The following LRRC4C variants were observed in gnomAD, a reference collection of about 807,000 sequenced individuals.
The protein encoded by LRRC4C is leucine-rich repeat-containing protein 4C.
A neutral mutation model predicts 33.6 loss-of-function variants in LRRC4C; 5 were observed. The observed-to-expected ratio is 0.15, with a 90% CI of 0.08 to 0.31. LRRC4C has a LOEUF of 0.31. Among genes scored for constraint, LRRC4C ranks in the 10% least tolerant of loss-of-function variants. The pLI, the probability that LRRC4C is intolerant of heterozygous loss-of-function variation, is 1.00. For synonymous variants in LRRC4C, 329 were observed against 302.0 expected, an observed-to-expected ratio of 1.09 and a Z score of -0.93; for missense variants, 560 against 796.7, an observed-to-expected ratio of 0.70 and a Z score of 3.58.
chr11:40,969,878 A>G (rs1254592818), intron 1 of LRRC4C, among the ~76,000 whole-genome samples: 1 of 152,158 alleles, frequency 6.6e-6, no homozygotes, highest in East Asian at 1.9e-4. Flanking sequence ...AACAGACATT[A>G]TCCCCTTCAG....
chr11:41,447,314 C>T (rs1001836857), intron 1 of LRRC4C, among the ~76,000 whole-genome samples: 3 of 152,142 alleles, frequency 2.0e-5, no homozygotes, highest in Admixed American at 6.5e-5. Context: ...ATCCTCATCA[C>T]GGGCATAGAA....
At chr11:41,067,078 C>A (rs11036211) in intron 1 of LRRC4C, among the ~76,000 whole-genome samples, 45,089 of 151,918 alleles carry the variant, frequency 0.3, 7,085 homozygotes, top group African/African-American at 0.38. Context: ...ATTAACAGTA[C>A]ATGTAAATGG....
intron 3 of LRRC4C, among the ~76,000 whole-genome samples, chr11:40,522,147 C>T (rs2135236844): frequency 6.6e-6 from 1 of 152,286 alleles, no homozygotes; most frequent in South Asian, 2.1e-4. Context: ...CTCAGCCTCC[C>T]AAGTAGCTTG....
intron 1 of LRRC4C, among the ~76,000 whole-genome samples, chr11:41,286,308 G>C (rs981413877): frequency 1.1e-4 from 17 of 151,990 alleles, no homozygotes; most frequent in African/African-American, 4.1e-4. Context: ...CGTTATACAG[G>C]ATCATTTTTA....
intron 6 of LRRC4C, among the ~76,000 whole-genome samples, chr11:40,122,636 T>A (rs551536303): frequency 5.3e-5 from 8 of 152,080 alleles, no homozygotes; most frequent in Non-Finnish European, 1.2e-4. Flanking sequence ...TCATAATCAA[T>A]AAAGTCAGCT....
chr11:40,301,603 C>T (rs1261332105), intron 4 of LRRC4C, among the ~76,000 whole-genome samples: 1 of 152,046 alleles, frequency 6.6e-6, no homozygotes, highest in East Asian at 1.9e-4. Context: ...GTTTTCCCCA[C>T]CGCATTACTA....
intron 1 of LRRC4C, among the ~76,000 whole-genome samples, chr11:41,441,354 G>C (rs1030140865): frequency 1.3e-5 from 2 of 152,042 alleles, no homozygotes; most frequent in Non-Finnish European, 2.9e-5. Context: ...TTAGCAGTCA[G>C]GGTGGCTGAG....
chr11:40,618,983 A>G (rs1962160362), intron 3 of LRRC4C, among the ~76,000 whole-genome samples: 1 of 151,710 alleles, frequency 6.6e-6, no homozygotes, highest in African/African-American at 2.4e-5. Flanking sequence ...CGGGGTTAGT[A>G]TCTCTATTAG....
At chr11:40,577,832 CTTTTTTT>C (rs56061263) in intron 3 of LRRC4C, among the ~76,000 whole-genome samples, 50 of 119,342 alleles carry the variant, frequency 4.2e-4, no homozygotes, top group Admixed American at 1.5e-3. Context: ...TTTCTTTTTT[CTTTTTTT>C]TTTTTTTTTT....
intron 1 of LRRC4C, among the ~76,000 whole-genome samples, chr11:41,413,012 A>T (rs1954546044): frequency 6.6e-6 from 1 of 150,432 alleles, no homozygotes; most frequent in South Asian, 2.1e-4. Context: ...TATTGTTCTG[A>T]TTGGCATGTT....
At chr11:40,917,507 TA>T (rs1402991637) in intron 2 of LRRC4C, among the ~76,000 whole-genome samples, 1 of 152,108 alleles carries the variant, frequency 6.6e-6, no homozygotes, top group African/African-American at 2.4e-5. Flanking sequence ...TAGGGGCACT[TA>T]AATTATGCGT....
At position 40,851,822 on chromosome 11, in the gene LRRC4C, C is replaced by T. The variant is rs1014243626; in HGVS notation, c.-407+81813G>A. On this transcript the variant is annotated intron_variant, in intron 2 of 6. Coordinates refer to ENST00000528697, the MANE Select transcript of LRRC4C (RefSeq NM_001258419.2). ...GTATATGCTTAAATAAGTGGATTGT[C>T]CTTTTCAGCCAGCATCTGTCTTTAG... Among the ~76,000 whole-genome samples, 6 of 152,186 alleles carry T rather than the reference C, an allele frequency of 3.9e-5. No homozygotes were observed. The East Asian group carries it at 7.7e-4, about 20-fold the overall frequency.
At chr11:40,796,047 G>A (rs1257216617) in intron 2 of LRRC4C, among the ~76,000 whole-genome samples, 1 of 152,152 alleles carries the variant, frequency 6.6e-6, no homozygotes, top group African/African-American at 2.4e-5. Flanking sequence ...TACCTAGAAT[G>A]ATGTTTTTCT....
intron 3 of LRRC4C, among the ~76,000 whole-genome samples, chr11:40,647,862 C>T (rs7952372): frequency 0.38 from 57,269 of 151,882 alleles, 11,860 homozygotes; most frequent in East Asian, 0.61. Flanking sequence ...ACAGTTTGAC[C>T]CCTACCCTTC....
chr11:40,295,799 T>C (rs1944483742), intron 4 of LRRC4C, among the ~76,000 whole-genome samples: 1 of 152,230 alleles, frequency 6.6e-6, no homozygotes, highest in African/African-American at 2.4e-5. Flanking sequence ...TTAATGGCAT[T>C]GCTTCTATTT....
At chr11:41,172,422 A>G (rs780980947) in intron 1 of LRRC4C, among the ~76,000 whole-genome samples, 2 of 152,172 alleles carry the variant, frequency 1.3e-5, no homozygotes, top group East Asian at 1.9e-4. Flanking sequence ...CCAGAGCACA[A>G]TCACAAAACC....
At chr11:40,769,681 C>G (rs1227249488) in intron 2 of LRRC4C, among the ~76,000 whole-genome samples, 2 of 152,126 alleles carry the variant, frequency 1.3e-5, no homozygotes, top group Non-Finnish European at 2.9e-5. Flanking sequence ...ATCCATACAT[C>G]TACCATGAAC....
chr11:40,968,805 C>T (rs1162982704), intron 1 of LRRC4C, among the ~76,000 whole-genome samples: 1 of 152,132 alleles, frequency 6.6e-6, no homozygotes, highest in Non-Finnish European at 1.5e-5. Flanking sequence ...ATTGACAGTG[C>T]ACCTATTCAC....
At chr11:40,120,140 CT>C (rs1855723219) in intron 6 of LRRC4C, among the ~76,000 whole-genome samples, 1 of 152,164 alleles carries the variant, frequency 6.6e-6, no homozygotes, top group Non-Finnish European at 1.5e-5. Flanking sequence ...AAAAACATCA[CT>C]TTTTAAACAG....
Sources: allele counts gnomAD v4.1 joint callset (sites outside exome capture counted in the v4.1 genomes callset), GRCh38; gene constraint gnomAD v4.1.1; transcripts MANE v1.5; gene names NCBI Gene and HGNC (gene_info 2026-07-23, HGNC 2026-07-21).